KCNQ5: variants seen among roughly 807,000 people sequenced by gnomAD.
KCNQ5 encodes potassium voltage-gated channel subfamily KQT member 5.
In KCNQ5, 30 loss-of-function variants were observed where a neutral mutation model predicts 98.2. That is an observed-to-expected ratio of 0.31 (90% confidence interval 0.23 to 0.41). The LOEUF is 0.41. Ranked by LOEUF, KCNQ5 falls within the 10% of genes least tolerant of loss-of-function variation. The probability of loss-of-function intolerance (pLI) is 1.00; values close to 1 mark genes in which losing one functional copy is unlikely to be tolerated. For synonymous variants in KCNQ5, 458 were observed against 449.4 expected (o/e 1.02, Z -0.24); for missense variants, 835 against 1,182.5 (o/e 0.71, Z 4.31).
chr6:72,931,377 G>T (rs2882328), intron 1 of KCNQ5, among the ~76,000 whole-genome samples: 40,261 of 151,994 alleles, frequency 0.26, 5,610 homozygotes, highest in Admixed American at 0.3. Flanking sequence ...ACTTTTTTAA[G>T]AATCAAATTT....
At chr6:72,959,369 G>A (rs966420295) in intron 1 of KCNQ5, among the ~76,000 whole-genome samples, 1 of 152,182 alleles carries the variant, frequency 6.6e-6, no homozygotes, top group Non-Finnish European at 1.5e-5. Context: ...AGAGAGAATG[G>A]TTGCTAGAAT....
chr6:72,988,470 T>G (rs1224306638), intron 1 of KCNQ5, among the ~76,000 whole-genome samples: 1 of 151,892 alleles, frequency 6.6e-6, no homozygotes, highest in Non-Finnish European at 1.5e-5. Context: ...CCCACGGTCG[T>G]AAACATGGGA....
intron 1 of KCNQ5, among the ~76,000 whole-genome samples, chr6:72,731,788 G>T (rs967503090): frequency 6.6e-6 from 1 of 152,188 alleles, no homozygotes; most frequent in Non-Finnish European, 1.5e-5. Flanking sequence ...AACAAGGAGA[G>T]AATGGATTTT....
intron 8 of KCNQ5, among the ~76,000 whole-genome samples, chr6:73,121,028 C>T (rs1414678885): frequency 6.6e-6 from 1 of 152,050 alleles, no homozygotes; most frequent in African/African-American, 2.4e-5. Context: ...TCTGGATGGT[C>T]CTCAAGCTTT....
chr6:72,886,083 G>A (rs1214112799), intron 1 of KCNQ5, among the ~76,000 whole-genome samples: 4 of 152,178 alleles, frequency 2.6e-5, no homozygotes, highest in Non-Finnish European at 4.4e-5. Flanking sequence ...TACCCAAAGA[G>A]CATGAGCTAG....
At chr6:72,842,060 T>G (rs1036744978) in intron 1 of KCNQ5, among the ~76,000 whole-genome samples, 32 of 152,222 alleles carry the variant, frequency 2.1e-4, no homozygotes, top group Non-Finnish European at 2.9e-4. Flanking sequence ...ATAATAGGAT[T>G]AGTAAATTCT....
chr6:73,165,197 G>C (rs1276462538), intron 10 of KCNQ5, among the ~76,000 whole-genome samples: 1 of 151,946 alleles, frequency 6.6e-6, no homozygotes, highest in Non-Finnish European at 1.5e-5. Context: ...GGTTGCCCAG[G>C]CTCATATCAA....
intron 1 of KCNQ5, among the ~76,000 whole-genome samples, chr6:72,963,838 A>G (rs1767486213): frequency 6.6e-6 from 1 of 151,916 alleles, no homozygotes; most frequent in South Asian, 2.1e-4. Flanking sequence ...AATTGTTAGT[A>G]TTTTTTAGTA....
chr6:73,114,675 G>C (rs564847115), intron 7 of KCNQ5, among the ~76,000 whole-genome samples: 66 of 152,114 alleles, frequency 4.3e-4, no homozygotes, highest in Non-Finnish European at 7.6e-4. Flanking sequence ...GACAAGCCTA[G>C]GAGGAGCTAG....
chr6:72,848,995 T>C (rs1011664415), intron 1 of KCNQ5, among the ~76,000 whole-genome samples: 7 of 152,182 alleles, frequency 4.6e-5, no homozygotes, highest in African/African-American at 1.7e-4. Flanking sequence ...GAGAACAGAC[T>C]AATATAATGC....
chr6:72,973,505 T>C (rs1469835455), intron 1 of KCNQ5, among the ~76,000 whole-genome samples: 1 of 152,180 alleles, frequency 6.6e-6, no homozygotes, highest in Non-Finnish European at 1.5e-5. Flanking sequence ...ATTAAATTCC[T>C]TTGTTTCCCA....
intron 1 of KCNQ5, among the ~76,000 whole-genome samples, chr6:72,651,338 T>C (rs1423960642): frequency 1.3e-5 from 2 of 152,048 alleles, no homozygotes; most frequent in Non-Finnish European, 2.9e-5. Context: ...AGATAGATAC[T>C]CTGTAATTAC....
At chr6:72,780,671 A>G (rs1012721782) in intron 1 of KCNQ5, among the ~76,000 whole-genome samples, 1 of 152,200 alleles carries the variant, frequency 6.6e-6, no homozygotes, top group Non-Finnish European at 1.5e-5. Flanking sequence ...TCAGATAATA[A>G]GGGGTATTTT....
rs543270485 is a variant in KCNQ5, at chr6:72,869,490, T to C, written c.399-134418T>C. ...TAGTAATAGATGGACTTTTTTGAAC[T>C]TTAGTTTTTCCATTTTCTCATTTAC... is the stretch of plus-strand genomic sequence containing the variant. On this transcript the variant is annotated intron_variant, in intron 1 of 13. Coordinates refer to ENST00000370398, the MANE Select transcript of KCNQ5 (RefSeq NM_019842.4). 6.6e-5 allele frequency among the ~76,000 whole-genome samples: 10 copies of C among 152,358 alleles called. No homozygotes were observed. In the South Asian group the frequency reaches 1.7e-3, roughly 25 times the overall value.
At chr6:72,836,774 C>G (rs1004660905) in intron 1 of KCNQ5, among the ~76,000 whole-genome samples, 4 of 152,130 alleles carry the variant, frequency 2.6e-5, no homozygotes, top group African/African-American at 9.7e-5. Flanking sequence ...ACTGTCTATA[C>G]AAGGTAATTT....
rs190926344 is a variant in KCNQ5, at chr6:72,958,911, G to A, written c.399-44997G>A. ...GATCTATTTCACTAACAGCACCAAT[G>A]AATGCAAAACTTTATGGAAGCCTAT... On this transcript the variant is annotated intron_variant, in intron 1 of 13. Transcript: ENST00000370398. Among the ~76,000 whole-genome samples the A allele has an allele frequency of 8.5e-5, 13 of 152,246 alleles. No homozygotes were observed. The East Asian group carries it at 2.3e-3, about 27-fold the overall frequency.
At chr6:73,064,746 T>G (rs940905723) in intron 3 of KCNQ5, among the ~76,000 whole-genome samples, 3 of 152,148 alleles carry the variant, frequency 2.0e-5, no homozygotes, top group Admixed American at 2.0e-4. Context: ...CTAAACCATG[T>G]TCTAAAGCAT....
intron 1 of KCNQ5, among the ~76,000 whole-genome samples, chr6:72,916,504 C>G (rs1477690164): frequency 2.6e-5 from 4 of 152,292 alleles, no homozygotes; most frequent in African/African-American, 9.6e-5. Context: ...CTTCACTCCC[C>G]CTTACAAACA....
chr6:73,060,844 A>C (rs1215496296), intron 3 of KCNQ5, among the ~76,000 whole-genome samples: 2 of 152,168 alleles, frequency 1.3e-5, no homozygotes, highest in Non-Finnish European at 2.9e-5. Context: ...ATTGGCAAAA[A>C]TCTGCAGTTT....
Sources: gnomAD v4.1 joint callset for allele counts (sites outside exome capture counted in the v4.1 genomes callset) on GRCh38, gnomAD v4.1.1 for gene constraint, MANE v1.5 for transcripts, NCBI Gene and HGNC (gene_info 2026-07-23, HGNC 2026-07-21) for gene names.